PITPNC1: variants seen among roughly 807,000 people sequenced by gnomAD.
PITPNC1 encodes the protein phosphatidylinositol transfer protein cytoplasmic 1.
In PITPNC1, 18 loss-of-function variants were observed where a neutral mutation model predicts 44.7. That is an observed-to-expected ratio of 0.40 (90% CI 0.28 to 0.60). PITPNC1 has a LOEUF of 0.60. Among genes scored for constraint, PITPNC1 ranks in the 20% least tolerant of loss-of-function variants. The pLI, the probability that PITPNC1 is intolerant of heterozygous loss-of-function variation, is 0.39. For synonymous variants in PITPNC1, 141 were observed against 149.6 expected (o/e 0.94, Z 0.42); for missense variants, 290 against 418.4 (o/e 0.69, Z 2.68).
At chr17:67,438,662 A>T (rs772058295) in intron 1 of PITPNC1, among the ~76,000 whole-genome samples, 1 of 152,210 alleles carries the variant, frequency 6.6e-6, no homozygotes, top group African/African-American at 2.4e-5. Flanking sequence ...ATTTTAGAAT[A>T]TGATCTTTTA....
Position 67,473,489 on chromosome 17 carries a change from C to T in PITPNC1, c.49-59313C>T, listed in dbSNP as rs1020323386. Among the ~76,000 whole-genome samples the T allele has an allele frequency of 4.5e-4, 68 of 152,102 alleles. 1 individual carries two copies. Among genetic ancestry groups the T allele is most frequent in the Admixed American group, 7.2e-4 (11 of 15,270 alleles). ...GACTACAGGCGCCCGCCACTACATC[C>T]GGCTAATTTTTTTGTATTTTTTTAG... is the stretch of plus-strand genomic sequence containing the variant. On this transcript the variant is annotated intron_variant, in intron 1 of 8. Coordinates refer to ENST00000581322, the MANE Select transcript of PITPNC1 (RefSeq NM_012417.4).
chr17:67,481,458 G>A (rs1289376877), intron 1 of PITPNC1, among the ~76,000 whole-genome samples: 1 of 152,182 alleles, frequency 6.6e-6, no homozygotes, highest in South Asian at 2.1e-4. Context: ...AAAGAGAAAA[G>A]GAATTTTGCT....
chr17:67,388,376 G>T (rs2038086431), intron 1 of PITPNC1, among the ~76,000 whole-genome samples: 1 of 150,282 alleles, frequency 6.7e-6, no homozygotes. Context: ...GCCCAGGCTG[G>T]AGTGCAGTTC....
chr17:67,631,511 C>T (rs1031568279), intron 5 of PITPNC1, among the ~76,000 whole-genome samples: 2 of 135,762 alleles, frequency 1.5e-5, no homozygotes, highest in Admixed American at 7.7e-5. Flanking sequence ...CGCCTGTAAT[C>T]CCAGCTACTC....
intron 1 of PITPNC1, among the ~76,000 whole-genome samples, chr17:67,497,471 C>CTT (rs5821470): frequency 0.019 from 2,441 of 129,386 alleles, 81 homozygotes; most frequent in African/African-American, 0.065. Flanking sequence ...AGGAAGTCGT[C>CTT]TTTTTTTTTT....
intron 6 of PITPNC1, among the ~76,000 whole-genome samples, chr17:67,668,522 A>C (rs1409006430): frequency 6.6e-6 from 1 of 152,116 alleles, no homozygotes; most frequent in Non-Finnish European, 1.5e-5. Flanking sequence ...GAGAAGTTGG[A>C]GACCAGCCTG....
At chr17:67,581,012 A>G (rs1161492543) in intron 5 of PITPNC1, among the ~76,000 whole-genome samples, 3 of 152,192 alleles carry the variant, frequency 2.0e-5, no homozygotes, top group Non-Finnish European at 4.4e-5. Flanking sequence ...TTGCACCTCT[A>G]CACTCCAGCT....
Position 67,494,215 on chromosome 17 carries a change from T to TTC in PITPNC1, c.49-38586_49-38585insCT, listed in dbSNP as rs1568012981. 5.6e-4 allele frequency among the ~76,000 whole-genome samples: 84 copies of TTC among 148,868 alleles called. 3 individuals carry two copies. Among genetic ancestry groups the TTC allele is most frequent in the African/African-American group, 2.1e-3 (81 of 39,364 alleles). On this transcript the variant is annotated intron_variant, in intron 1 of 8. Coordinates refer to ENST00000581322, the MANE Select transcript of PITPNC1 (RefSeq NM_012417.4). Reference sequence around the variant, plus strand: ...TTTCTTTCTTTCTTTCTTTCTTTCTTTTTGAGACGTAGTCTTGCTCTGTTA... The same window carrying TTC: ...TTTCTTTCTTTCTTTCTTTCTTTCTTTCTTTGAGACGTAGTCTTGCTCTGTTA...
intron 1 of PITPNC1, among the ~76,000 whole-genome samples, chr17:67,408,010 C>T (rs903717860): frequency 6.6e-6 from 1 of 151,730 alleles, no homozygotes; most frequent in Non-Finnish European, 1.5e-5. Context: ...GGCTGGAGTG[C>T]AGTGGGGCAA....
chr17:67,623,539 C>G (rs1020901660), intron 5 of PITPNC1, among the ~76,000 whole-genome samples: 4 of 152,170 alleles, frequency 2.6e-5, no homozygotes, highest in African/African-American at 9.7e-5. Flanking sequence ...CATACGCCAC[C>G]ATGCCCAGCT....
chr17:67,487,846 C>T lies in PITPNC1; in HGVS notation c.49-44956C>T, dbSNP rs1296101841. ...GGGGTTTGGGATCAGCCTCCAGGGC[C>T]TAAGTAATTTCTCCCAGGAGATGTC... On this transcript the variant is annotated intron_variant, in intron 1 of 8. Transcript: ENST00000581322. Among the ~76,000 whole-genome samples, 3 of 152,108 alleles carry T rather than the reference C, an allele frequency of 2.0e-5. No individual in the cohort carries two copies. The East Asian group carries it at 5.8e-4, about 29-fold the overall frequency.
intron 1 of PITPNC1, among the ~76,000 whole-genome samples, chr17:67,486,848 C>T (rs138443379): frequency 4.7e-4 from 71 of 152,036 alleles, no homozygotes; most frequent in African/African-American, 1.6e-3. Flanking sequence ...GGAGGCCAGA[C>T]GTGGTGAAAC....
intron 5 of PITPNC1, 57 bp downstream of exon 5, chr17:67,578,314 A>T (rs1356872284): frequency 1.6e-5 from 19 of 1,183,286 alleles, no homozygotes; most frequent in Admixed American, 3.4e-5. Context: ...ATATCACAGC[A>T]CTTCTCACAG....
At chr17:67,513,489 G>GTGTGTATATATATATATATA (rs772483698) in intron 1 of PITPNC1, among the ~76,000 whole-genome samples, 5 of 138,662 alleles carry the variant, frequency 3.6e-5, no homozygotes, top group African/African-American at 1.3e-4. Context: ...GTGTGTGTGT[G>GTGTGTATATATATATATATA]TATATATATA....
At chr17:67,545,424 A>G (rs1239782970) in intron 2 of PITPNC1, among the ~76,000 whole-genome samples, 1 of 151,614 alleles carries the variant, frequency 6.6e-6, no homozygotes, top group South Asian at 2.1e-4. Flanking sequence ...CTAAAAATAC[A>G]AAAATTAACC....
chr17:67,422,390 CAT>C (rs1395197138), intron 1 of PITPNC1, among the ~76,000 whole-genome samples: 2 of 152,106 alleles, frequency 1.3e-5, no homozygotes, highest in African/African-American at 4.8e-5. Context: ...TCAATTTCCT[CAT>C]TATTTATTTT....
chr17:67,471,922 C>G (rs2039542065), intron 1 of PITPNC1, among the ~76,000 whole-genome samples: 1 of 151,980 alleles, frequency 6.6e-6, no homozygotes, highest in South Asian at 2.1e-4. Flanking sequence ...CACTTTCAAT[C>G]TATGTCAATT....
intron 1 of PITPNC1, among the ~76,000 whole-genome samples, chr17:67,397,503 A>C (rs1050961370): frequency 1.1e-4 from 17 of 152,146 alleles, no homozygotes; most frequent in African/African-American, 4.1e-4. Flanking sequence ...GTTAAGAACA[A>C]AGTAAAAAGA....
At chr17:67,516,933 G>A (rs557312673) in intron 1 of PITPNC1, among the ~76,000 whole-genome samples, 77 of 152,172 alleles carry the variant, frequency 5.1e-4, no homozygotes, top group Non-Finnish European at 8.8e-4. Context: ...TTCATGCACA[G>A]ATCAAGCCTA....
Sources: allele counts gnomAD v4.1 joint callset (sites outside exome capture counted in the v4.1 genomes callset), GRCh38; gene constraint gnomAD v4.1.1; transcripts MANE v1.5; gene names NCBI Gene and HGNC (gene_info 2026-07-23, HGNC 2026-07-21).